The following TBX2 variants were observed in gnomAD, a reference collection of about 807,000 sequenced individuals.
TBX2 encodes the protein T-box transcription factor TBX2.
In TBX2, 19 loss-of-function variants were observed where a neutral mutation model predicts 48.4. That is an observed-to-expected ratio of 0.39 (90% CI 0.27 to 0.58). The LOEUF is 0.58. Among genes scored for constraint, TBX2 ranks in the 20% least tolerant of loss-of-function variants. The pLI, the probability that TBX2 is intolerant of heterozygous loss-of-function variation, is 0.54. For synonymous variants in TBX2, 522 were observed against 459.7 expected (o/e 1.14, Z -1.73); for missense variants, 994 against 1,006.5 (o/e 0.99, Z 0.17).
rs574393357 is a variant in TBX2, at chr17:61,405,190, C to T, written c.1052-12C>T. ...CCCAGGCCCCTGTAATCCGCGCGCC[C>T]TCTCCCCGCAGCTGAGGAGAAGTCG... On this transcript the variant is annotated splice_polypyrimidine_tract_variant and intron_variant, in intron 5 of 6. Coordinates refer to ENST00000240328, the MANE Select transcript of TBX2 (RefSeq NM_005994.4). 173 of 1,491,552 alleles carry T rather than the reference C, an allele frequency of 1.2e-4. 1 individual carries two copies. The East Asian group carries it at 4.0e-3, about 35-fold the overall frequency. 92.4% of individuals were successfully genotyped at this position (1,491,552 alleles called of 1,614,324 possible).
chr17:61,405,774 A>G lies in TBX2; in HGVS notation c.1624A>G (p.Ser542Gly). The G allele has an allele frequency of 7.5e-7, 1 of 1,327,834 alleles. No homozygotes were observed. The highest frequency in any genetic ancestry group is 9.6e-7 in the Non-Finnish European group (1 of 1,045,248). 82.3% of individuals were successfully genotyped at this position (1,327,834 alleles called of 1,614,324 possible). The change falls in exon 6 of 7, where the codon AGC (serine) becomes GGC (glycine). Residue 542 changes from serine (S) to glycine (G), a missense_variant. Physicochemically the swap from Ser to Gly is moderately conservative, Grantham distance 56. Coordinates refer to ENST00000240328, the MANE Select transcript of TBX2 (RefSeq NM_005994.4). Reference sequence around the variant, plus strand: ...CGCAGGCGGGCTGGGTCCCGCGGCCAGCGCAGCAAGCACCGCCGCGCCCTT... The same window carrying G: ...CGCAGGCGGGCTGGGTCCCGCGGCCGGCGCAGCAAGCACCGCCGCGCCCTT... ...LDAGGLGPAA[S>G]AASTAAPFPF...
rs2060264948 is a variant in TBX2 at position 61,401,826 on chromosome 17, C to G, written c.538C>G (p.Pro180Ala). 1 of 1,612,948 alleles carries G rather than the reference C, an allele frequency of 6.2e-7. No individual in the cohort carries two copies. The highest frequency in any genetic ancestry group is 1.1e-5 in the South Asian group (1 of 91,092). Reference sequence around the variant, plus strand: ...CTGGATGGTGGCGGGCAAGGCCGACCCTGAGATGCCCAAACGCATGTACAT... The same window carrying G: ...CTGGATGGTGGCGGGCAAGGCCGACGCTGAGATGCCCAAACGCATGTACAT... ...SRWMVAGKAD[P>A]EMPKRMYIHP... Residue 180 changes from proline (P) to alanine (A), a missense_variant, in exon 2 of 7, where the codon CCT becomes GCT. Transcript: ENST00000240328.
chr17:61,403,207 G>C lies in TBX2; in HGVS notation c.810G>C (p.Lys270Asn), dbSNP rs763165207. Residue 270 changes from lysine to asparagine, a missense_variant and splice_region_variant, in exon 3 of 7, where the codon AAG becomes AAC. Lys to Asn is a moderately conservative substitution (Grantham distance 94, BLOSUM62 0). This residue lies in a region of TBX2 where 14 missense variants were observed against 43.4 expected (regional missense o/e 0.32). Coordinates refer to ENST00000240328, the MANE Select transcript of TBX2 (RefSeq NM_005994.4). The surrounding 1 kb of genome is among the most constrained non-coding windows in gnomAD (Gnocchi z 5.8). Reference sequence around the variant, plus strand: ...CCGTCACTGCCTACCAGAATGACAAGGTGCGCGCGGCGGGCGGTGGGCTAA... The same window carrying C: ...CCGTCACTGCCTACCAGAATGACAACGTGCGCGCGGCGGGCGGTGGGCTAA... ...FIAVTAYQNDKITQLKIDNNP... is the reference protein window; with the variant it reads ...FIAVTAYQNDNITQLKIDNNP... The C allele has an allele frequency of 6.2e-7, 1 of 1,612,698 alleles. No homozygotes were observed. Among genetic ancestry groups the C allele is most frequent in the Non-Finnish European group, 8.5e-7 (1 of 1,179,968 alleles).
At position 61,405,487 on chromosome 17, in the gene TBX2, G is replaced by C; in HGVS notation, c.1337G>C (p.Gly446Ala). ...RKEAAEGKEQ[G>A]LAPLVVQTDS... is the part of the protein sequence containing the mutation. ...GAGGCGGCCGAGGGCAAGGAGCAGG[G>C]CCTGGCGCCGCTGGTGGTGCAGACA... Residue 446 changes from glycine to alanine, a missense_variant, in exon 6 of 7, where the codon GGC (glycine) becomes GCC (alanine). Physicochemically the swap from Gly to Ala is moderately conservative, Grantham distance 60. This residue lies in a region of TBX2 where 639 missense variants were observed against 613.2 expected (regional missense o/e 1.04). Coordinates refer to ENST00000240328, the MANE Select transcript of TBX2 (RefSeq NM_005994.4). 6.3e-7 allele frequency: 1 copy of C among 1,580,178 alleles called. No individual in the cohort carries two copies. The highest frequency in any genetic ancestry group is 8.6e-7 in the Non-Finnish European group (1 of 1,166,016).
Position 61,404,705 on chromosome 17 carries a change from C to A in TBX2, c.987C>A (p.Pro329=), listed in dbSNP as rs953048418. 5 of 1,565,984 alleles carry A rather than the reference C, an allele frequency of 3.2e-6. No individual in the cohort carries two copies. The African/African-American group carries it at 4.1e-5, about 13-fold the overall frequency. The change falls in exon 5 of 7, where the codon CCC becomes CCA. Residue 329 remains proline (P), a synonymous_variant. Coordinates refer to ENST00000240328, the MANE Select transcript of TBX2 (RefSeq NM_005994.4). ...ACGCCTCGTCGTGCGACCCTCCCCC[C>A]GCGCGGGAACCACCCACCTCCCCGG... The part of the protein sequence containing the change: ...ESDASSCDPP[P]AREPPTSPGA...
chr17:61,405,655 C>T lies in TBX2; in HGVS notation c.1505C>T (p.Ala502Val). ...HPGQFTMGPG[A>V]FSAMGMGHLL... ...GGACAGTTCACCATGGGCCCTGGCG[C>T]CTTCTCCGCCATGGGCATGGGTCAC... is the stretch of plus-strand genomic sequence containing the variant. The change falls in exon 6 of 7, where the codon GCC (alanine) becomes GTC (valine). Residue 502 changes from alanine (A) to valine (V), a missense_variant. By Grantham distance (64) the Ala-to-Val change is moderately conservative. Around this residue, in one of 5 missense-constraint regions of TBX2, gnomAD observed 639 missense variants for 613.2 expected, o/e 1.04. Transcript: ENST00000240328. 1 of 1,485,178 alleles carries T rather than the reference C, an allele frequency of 6.7e-7. No homozygotes were observed. The highest frequency in any genetic ancestry group is 8.9e-7 in the Non-Finnish European group (1 of 1,122,736). 92.0% of individuals were successfully genotyped at this position (1,485,178 alleles called of 1,614,324 possible).
At position 61,408,564 on chromosome 17, in the gene TBX2, C is replaced by A. The variant is rs557033648; in HGVS notation, c.*58C>A. On this transcript the variant is annotated 3_prime_UTR_variant, in exon 7 of 7. Transcript: ENST00000240328. ...CCACCCGGGCTGCCTGCCCCTGCTG[C>A]TTGGGACGTGTACAGCACAGAATGA... The A allele has an allele frequency of 2.3e-5, 32 of 1,393,512 alleles. No homozygotes were observed. The South Asian group carries it at 4.6e-4, about 20-fold the overall frequency. The allele number at this position is 1,393,512 out of a possible 1,614,324, so 86.3% of individuals were successfully genotyped here. A position where few individuals can be genotyped will look rare whatever the true frequency, so the allele number is the denominator to read the frequency against.
chr17:61,401,049 C>T (rs986952961), intron 1 of TBX2, among the ~76,000 whole-genome samples: 1 of 152,136 alleles, frequency 6.6e-6, no homozygotes, highest in Admixed American at 6.5e-5. Context: ...CCGGGTCAGC[C>T]GAGCCCTCCG....
At chr17:61,402,823 G>GA (rs1041728452) in intron 2 of TBX2, among the ~76,000 whole-genome samples, 3 of 151,484 alleles carry the variant, frequency 2.0e-5, no homozygotes, top group Non-Finnish European at 4.4e-5. Flanking sequence ...AATGGCAAGA[G>GA]AAAAAGAAGC....
In TBX2 at chr17:61,403,134, C is replaced by T; in HGVS notation, c.737C>T (p.Pro246Leu). 1.2e-6 allele frequency: 2 copies of T among 1,613,882 alleles called. No individual in the cohort carries two copies. The highest frequency in any genetic ancestry group is 1.7e-6 in the Non-Finnish European group (2 of 1,180,022). ...CGAGCCAACGACATCCTGAAGCTGC[C>T]TTACAGCACCTTCCGCACCTACGTG... ...IVRANDILKL[P>L]YSTFRTYVFP... Residue 246 changes from proline to leucine, a missense_variant, in exon 3 of 7, where the codon CCT becomes CTT. Around this residue, in one of 5 missense-constraint regions of TBX2, gnomAD observed 153 missense variants for 166.2 expected, o/e 0.92. Transcript: ENST00000240328. The surrounding 1 kb of genome is among the most constrained non-coding windows in gnomAD (Gnocchi z 5.8).
Position 61,400,666 on chromosome 17 carries a change from C to CTGCTCTGAT in TBX2, c.395+95_395+96insTGCTCTGAT. On this transcript the variant is annotated intron_variant, in intron 1 of 6. Transcript: ENST00000240328. The surrounding 1 kb of genome is among the most constrained non-coding windows in gnomAD (Gnocchi z 9.2). Reference sequence around the variant, plus strand: ...AGAGCAGAGCTGGGGACTCCCGGCTCCCGGCTCCCGGCTCCAGGTTCTGGC... The same window carrying CTGCTCTGAT: ...AGAGCAGAGCTGGGGACTCCCGGCTCTGCTCTGATCCGGCTCCCGGCTCCAGGTTCTGGC... 8.4e-7 allele frequency: 1 copy of CTGCTCTGAT among 1,191,576 alleles called. No homozygotes were observed. The highest frequency in any genetic ancestry group is 1.1e-6 in the Non-Finnish European group (1 of 879,726). 73.8% of individuals were successfully genotyped at this position (1,191,576 alleles called of 1,614,324 possible).
In TBX2 at chr17:61,405,253, G is replaced by A. The variant is rs770945114; in HGVS notation, c.1103G>A (p.Ser368Asn). 1.9e-6 allele frequency: 3 copies of A among 1,573,876 alleles called. No individual in the cohort carries two copies. The East Asian group carries it at 6.9e-5, about 36-fold the overall frequency. ...AGCGACCCGGAGCCTGAGCGGTTGA[G>A]CGAGGAGCGTGCGGGGGCGCCGCTA... is the stretch of plus-strand genomic sequence containing the variant. ...ADSDPEPERL[S>N]EERAGAPLGR... is the part of the protein sequence containing the mutation. Residue 368 changes from serine to asparagine, a missense_variant, in exon 6 of 7, where the codon AGC becomes AAC. Ser to Asn is a conservative substitution (Grantham distance 46). This residue lies in a region of TBX2 where 639 missense variants were observed against 613.2 expected (regional missense o/e 1.04). Transcript: ENST00000240328.
At chr17:61,405,011 T>C in intron 5 of TBX2, 191 bp from the exon 6 acceptor site, 3 of 1,322,924 alleles carry the variant, frequency 2.3e-6, no homozygotes, top group Non-Finnish European at 3.1e-6. Flanking sequence ...CTGTAGGGTT[T>C]CCTCTCCAGG....
chr17:61,408,126 G>C lies in TBX2; in HGVS notation c.1759G>C (p.Ala587Pro). The C allele has an allele frequency of 1.2e-6, 2 of 1,610,514 alleles. No homozygotes were observed. The highest frequency in any genetic ancestry group is 1.7e-6 in the Non-Finnish European group (2 of 1,178,930). Reference sequence around the variant, plus strand: ...CTACATGGCAGCAGCAGCCGCAGCCGCCTCGGCTTTGCCCGCCACTAGTGC... The same window carrying C: ...CTACATGGCAGCAGCAGCCGCAGCCCCCTCGGCTTTGCCCGCCACTAGTGC... ...YTYMAAAAAA[A>P]SALPATSAAA... Residue 587 changes from alanine to proline, a missense_variant, in exon 7 of 7, where the codon GCC (alanine) becomes CCC (proline). Ala to Pro is a conservative substitution (Grantham distance 27). Around this residue, in one of 5 missense-constraint regions of TBX2, gnomAD observed 639 missense variants for 613.2 expected, o/e 1.04. Coordinates refer to ENST00000240328, the MANE Select transcript of TBX2 (RefSeq NM_005994.4).
Position 61,401,817 on chromosome 17 carries a change from A to G in TBX2, c.529A>G (p.Lys177Glu). The G allele has an allele frequency of 6.2e-7, 1 of 1,613,100 alleles. No homozygotes were observed. Residue 177 changes from lysine to glutamate, a missense_variant, in exon 2 of 7, where the codon AAG (lysine) becomes GAG (glutamate). Physicochemically the swap from Lys to Glu is moderately conservative, Grantham distance 56 (BLOSUM62 1). Coordinates refer to ENST00000240328, the MANE Select transcript of TBX2 (RefSeq NM_005994.4). ...FHNSRWMVAG[K>E]ADPEMPKRMY... ...CAACTCGCGCTGGATGGTGGCGGGC[A>G]AGGCCGACCCTGAGATGCCCAAACG...
rs770182659 is a variant in TBX2 at position 61,405,525 on chromosome 17, C to G, written c.1375C>G (p.Pro459Ala). Residue 459 changes from proline to alanine, a missense_variant, in exon 6 of 7, where the codon CCC (proline) becomes GCC (alanine). Coordinates refer to ENST00000240328, the MANE Select transcript of TBX2 (RefSeq NM_005994.4). ...PLVVQTDSAS[P>A]LGAGHLPGLA... is the part of the protein sequence containing the mutation. ...GGTGGTGCAGACAGACAGTGCGTCCCCCCTGGGCGCCGGACACCTGCCCGG... is the reference window on the plus strand; with the variant it reads ...GGTGGTGCAGACAGACAGTGCGTCCGCCCTGGGCGCCGGACACCTGCCCGG... 5 of 1,588,924 alleles carry G rather than the reference C, an allele frequency of 3.1e-6. No homozygotes were observed. The South Asian group carries it at 5.7e-5, about 18-fold the overall frequency.
At position 61,400,488 on chromosome 17, in the gene TBX2, C is replaced by T. The variant is rs983829790; in HGVS notation, c.312C>T (p.Asp104=). The T allele has an allele frequency of 5.0e-6, 8 of 1,602,152 alleles. No individual in the cohort carries two copies. Among genetic ancestry groups the T allele is most frequent in the Non-Finnish European group, 6.8e-6 (8 of 1,175,494 alleles). The part of the protein sequence containing the change: ...SLEPEDEVED[D]PKVTLEAKEL... The stretch of plus-strand genomic sequence containing the variant: ...AGCCCGAGGACGAGGTGGAGGACGA[C>T]CCCAAGGTGACGCTGGAGGCCAAGG... The change falls in exon 1 of 7, where the codon GAC becomes GAT. Residue 104 remains aspartate, a synonymous_variant. Coordinates refer to ENST00000240328, the MANE Select transcript of TBX2 (RefSeq NM_005994.4). The surrounding 1 kb of genome is among the most constrained non-coding windows in gnomAD (Gnocchi z 9.2).
Position 61,405,719 on chromosome 17 carries a change from T to A in TBX2, c.1569T>A (p.Gly523=), listed in dbSNP as rs760089566. The A allele has an allele frequency of 3.1e-5, 43 of 1,372,486 alleles. No homozygotes were observed. Among genetic ancestry groups the A allele is most frequent in the Non-Finnish European group, 3.9e-5 (42 of 1,068,646 alleles). 85.0% of individuals were successfully genotyped at this position (1,372,486 alleles called of 1,614,324 possible). A position where few individuals can be genotyped will look rare whatever the true frequency, so the allele number is the denominator to read the frequency against. The part of the protein sequence containing the change: ...ASVAGGGNGG[G]GGPGTAAGLD... The stretch of plus-strand genomic sequence containing the variant: ...TGGCAGGCGGCGGCAACGGCGGAGG[T>A]GGCGGGCCTGGGACCGCCGCGGGGC... The change falls in exon 6 of 7, where the codon GGT becomes GGA. Residue 523 remains glycine, a synonymous_variant. Transcript: ENST00000240328.
chr17:61,407,043 C>G (rs2060291899), intron 6 of TBX2: 1 of 152,182 alleles, frequency 6.6e-6, no homozygotes, highest in South Asian at 2.1e-4. Flanking sequence ...AGAATACCAG[C>G]ACCTGGGAGG....
Sources: gnomAD v4.1 joint callset for allele counts (sites outside exome capture counted in the v4.1 genomes callset) on GRCh38, gnomAD v4.1.1 for gene constraint, gnomAD v4.1.1 regional missense constraint, Gnocchi (gnomAD v3.1) non-coding constraint, MANE v1.5 for transcripts, NCBI Gene and HGNC (gene_info 2026-07-23, HGNC 2026-07-21) for gene names.